Variants in KIF26B observed in about 807,000 individuals in gnomAD.
The protein encoded by KIF26B is kinesin family member 26B.
KIF26B carries 63 observed loss-of-function variants against 151.2 expected under a neutral mutation model. The observed-to-expected ratio is 0.42, with a 90% CI of 0.34 to 0.51. The LOEUF (loss-of-function observed/expected upper bound fraction) is 0.51, where lower values mean the gene tolerates loss of function less well. Ranked by LOEUF, KIF26B falls within the 20% of genes least tolerant of loss-of-function variation. The pLI, the probability that KIF26B is intolerant of heterozygous loss-of-function variation, is 0.07. For missense variants in KIF26B, 2,813 were observed against 2,913.6 expected (o/e 0.97, Z 0.79); for synonymous variants, 1,357 against 1,262.1 (o/e 1.08, Z -1.59).
At chr1:245,506,173 A>G (rs1379998014) in intron 4 of KIF26B, among the ~76,000 whole-genome samples, 2 of 152,288 alleles carry the variant, frequency 1.3e-5, no homozygotes, top group East Asian at 3.9e-4. Flanking sequence ...TCTCTCGGGT[A>G]TATTAACAGG....
chr1:245,628,831 T>C (rs1218692651), intron 9 of KIF26B, among the ~76,000 whole-genome samples: 1 of 152,226 alleles, frequency 6.6e-6, no homozygotes, highest in Admixed American at 6.5e-5. Flanking sequence ...GCAGTTGACC[T>C]GATTCTATAT....
At chr1:245,249,640 G>T (rs1048684462) in intron 2 of KIF26B, among the ~76,000 whole-genome samples, 4 of 151,818 alleles carry the variant, frequency 2.6e-5, no homozygotes, top group African/African-American at 2.4e-5. Flanking sequence ...CCACCACCAC[G>T]CCTGGCTAAC....
chr1:245,633,513 C>A (rs1445048987), intron 9 of KIF26B, among the ~76,000 whole-genome samples: 2 of 151,694 alleles, frequency 1.3e-5, no homozygotes, highest in Non-Finnish European at 2.9e-5. Context: ...CTTTCTCATT[C>A]GTGTATCTGC....
intron 3 of KIF26B, among the ~76,000 whole-genome samples, chr1:245,385,455 A>G (rs1673519824): frequency 6.6e-6 from 1 of 152,218 alleles, no homozygotes; most frequent in Non-Finnish European, 1.5e-5. Flanking sequence ...TAAACACATC[A>G]TGCTTAGAAC....
chr1:245,297,882 T>TGTTG (rs1245652815), intron 2 of KIF26B, among the ~76,000 whole-genome samples: 1 of 151,376 alleles, frequency 6.6e-6, no homozygotes, highest in Admixed American at 6.6e-5. Context: ...AGTTTTTGTT[T>TGTTG]GTTTGTTTGT....
chr1:245,440,027 C>G (rs538240919), intron 4 of KIF26B, among the ~76,000 whole-genome samples: 26 of 152,262 alleles, frequency 1.7e-4, no homozygotes, highest in African/African-American at 6.0e-4. Context: ...CGAGACCATC[C>G]TGGCTAACAC....
Position 245,155,012 on chromosome 1 carries a change from G to T in KIF26B, c.-413G>T. Reference sequence around the variant, plus strand: ...TTACCAAGCTCGGTGAAGGAGACAAGTTCCCACAGCTGACTCGGCTCGGCT... The same window carrying T: ...TTACCAAGCTCGGTGAAGGAGACAATTTCCCACAGCTGACTCGGCTCGGCT... On this transcript the variant is annotated 5_prime_UTR_variant, in exon 1 of 15. Coordinates refer to ENST00000407071, the MANE Select transcript of KIF26B (RefSeq NM_018012.4). The T allele has an allele frequency of 2.3e-6, 1 of 426,408 alleles. No individual in the cohort carries two copies. Among genetic ancestry groups the T allele is most frequent in the Non-Finnish European group, 4.1e-6 (1 of 245,518 alleles). The allele number at this position is 426,408 out of a possible 1,614,324, so 26.4% of individuals were successfully genotyped here. A position where few individuals can be genotyped will look rare whatever the true frequency, so the allele number is the denominator to read the frequency against.
chr1:245,369,693 C>G (rs1205931218), intron 3 of KIF26B, among the ~76,000 whole-genome samples: 1 of 152,232 alleles, frequency 6.6e-6, no homozygotes, highest in East Asian at 1.9e-4. Context: ...TCCCCTTGCC[C>G]AGGGAATGGC....
intron 4 of KIF26B, among the ~76,000 whole-genome samples, chr1:245,474,058 C>G (rs1175488552): frequency 1.3e-5 from 2 of 150,708 alleles, no homozygotes; most frequent in East Asian, 3.9e-4. Flanking sequence ...TTGAAATATA[C>G]AATAGATTAT....
chr1:245,282,642 C>T (rs112177992), intron 2 of KIF26B, among the ~76,000 whole-genome samples: 2,038 of 152,284 alleles, frequency 0.013, 20 homozygotes, highest in Non-Finnish European at 0.021. Flanking sequence ...ATCCCCTAAG[C>T]CCTATGCAAA....
intron 5 of KIF26B, among the ~76,000 whole-genome samples, chr1:245,551,613 G>A (rs368140126): frequency 1.3e-5 from 2 of 152,132 alleles, no homozygotes; most frequent in Non-Finnish European, 2.9e-5. Flanking sequence ...GACTAATAAC[G>A]CACCATTTGC....
At chr1:245,487,038 A>G (rs1365745325) in intron 4 of KIF26B, among the ~76,000 whole-genome samples, 6 of 152,144 alleles carry the variant, frequency 3.9e-5, no homozygotes, top group Non-Finnish European at 5.9e-5. Flanking sequence ...GGCTCCCAAT[A>G]GTAAACCTTC....
chr1:245,526,452 A>G (rs1478827783), intron 4 of KIF26B, among the ~76,000 whole-genome samples: 2 of 152,234 alleles, frequency 1.3e-5, no homozygotes, highest in East Asian at 3.8e-4. Context: ...TGTACAATGC[A>G]GAGGTCCCAT....
chr1:245,688,721 C>T lies in KIF26B; in HGVS notation c.5738C>T (p.Ser1913Leu), dbSNP rs2044577710. ...AGCGAGGCCACCGGCAGCGCGTCCT[C>T]GGCGCAGGACTCCACGAGCGAGAAC... The part of the protein sequence containing the change: ...RDSEATGSAS[S>L]AQDSTSENSS... Residue 1913 changes from serine to leucine, a missense_variant, in exon 12 of 15, where the codon TCG becomes TTG. Physicochemically the swap from Ser to Leu is moderately radical, Grantham distance 145. This residue lies in a region of KIF26B where 2,060 missense variants were observed against 2,088.6 expected (regional missense o/e 0.99). Coordinates refer to ENST00000407071, the MANE Select transcript of KIF26B (RefSeq NM_018012.4). 6.2e-7 allele frequency: 1 copy of T among 1,608,564 alleles called. No individual in the cohort carries two copies. The highest frequency in any genetic ancestry group is 1.3e-5 in the African/African-American group (1 of 74,920).
chr1:245,398,844 A>C (rs1311208367), intron 3 of KIF26B, among the ~76,000 whole-genome samples: 1 of 152,098 alleles, frequency 6.6e-6, no homozygotes, highest in African/African-American at 2.4e-5. Flanking sequence ...GAATAAAAAT[A>C]GTACAAAGGA....
intron 2 of KIF26B, among the ~76,000 whole-genome samples, chr1:245,236,007 G>A (rs1670102839): frequency 6.7e-6 from 1 of 150,102 alleles, no homozygotes; most frequent in Non-Finnish European, 1.5e-5. Flanking sequence ...TTGGCTCACT[G>A]CAACCTCCAC....
rs922782636 is a variant in KIF26B at position 245,516,516 on chromosome 1, G to A, written c.1167-24251G>A. Among the ~76,000 whole-genome samples, 7 of 152,122 alleles carry A rather than the reference G, an allele frequency of 4.6e-5. No individual in the cohort carries two copies. Among genetic ancestry groups the A allele is most frequent in the African/African-American group, 1.7e-4 (7 of 41,420 alleles). ...CTTTGCTATACAGTGAATACACTGT[G>A]GGTCTATTATTCGCCTCTTCAGATC... On this transcript the variant is annotated intron_variant, in intron 4 of 14. Coordinates refer to ENST00000407071, the MANE Select transcript of KIF26B (RefSeq NM_018012.4). This position sits in a 1 kb window ranked among gnomAD's most constrained non-coding sequence, Gnocchi z 4.2.
chr1:245,350,266 A>G (rs1416665820), intron 2 of KIF26B, among the ~76,000 whole-genome samples: 1 of 152,108 alleles, frequency 6.6e-6, no homozygotes, highest in Non-Finnish European at 1.5e-5. Flanking sequence ...AGATCTTGCC[A>G]TATCAGATTC....
intron 4 of KIF26B, among the ~76,000 whole-genome samples, chr1:245,428,147 C>T (rs1173423363): frequency 2.6e-5 from 4 of 152,178 alleles, no homozygotes; most frequent in Non-Finnish European, 5.9e-5. Flanking sequence ...CAAACCCCTA[C>T]CCTCTGGTTT....
Sources: gnomAD v4.1 joint callset for allele counts (sites outside exome capture counted in the v4.1 genomes callset) on GRCh38, gnomAD v4.1.1 for gene constraint, gnomAD v4.1.1 regional missense constraint, Gnocchi (gnomAD v3.1) non-coding constraint, MANE v1.5 for transcripts, NCBI Gene and HGNC (gene_info 2026-07-23, HGNC 2026-07-21) for gene names.